FCHSD2: variants seen among roughly 807,000 people sequenced by gnomAD.
The protein encoded by FCHSD2 is FCH and double SH3 domains 2.
Under a neutral mutation model 108.1 loss-of-function variants are expected in FCHSD2, and 38 were observed. The observed-to-expected ratio is 0.35, with a 90% CI of 0.27 to 0.46. FCHSD2 has a LOEUF of 0.46. FCHSD2 is among the 20% of genes least tolerant of loss of function. The pLI, the probability that FCHSD2 is intolerant of heterozygous loss-of-function variation, is 1.00. For synonymous variants in FCHSD2, 279 were observed against 314.7 expected (o/e 0.89, Z 1.20); for missense variants, 751 against 897.8 (o/e 0.84, Z 2.09).
chr11:72,987,452 T>G (rs1857331199), intron 6 of FCHSD2, among the ~76,000 whole-genome samples: 1 of 152,210 alleles, frequency 6.6e-6, no homozygotes, highest in African/African-American at 2.4e-5. Context: ...AGGCCTTAAA[T>G]TCCTTGAGGG....
intron 3 of FCHSD2, among the ~76,000 whole-genome samples, chr11:73,024,455 T>C (rs1858180999): frequency 6.6e-6 from 1 of 152,106 alleles, no homozygotes; most frequent in Non-Finnish European, 1.5e-5. Context: ...TGAAAAGTGG[T>C]ACACATATAC....
At chr11:72,841,330 A>T in intron 18 of FCHSD2, 124 bp downstream of exon 18, 1 of 976,616 alleles carries the variant, frequency 1.0e-6, no homozygotes, top group Non-Finnish European at 1.4e-6. Flanking sequence ...GGTGACAGAG[A>T]CTCTGTCTCC....
chr11:73,076,689 G>A (rs1293934275), intron 3 of FCHSD2, among the ~76,000 whole-genome samples: 1 of 152,220 alleles, frequency 6.6e-6, no homozygotes, highest in Non-Finnish European at 1.5e-5. Context: ...TTAATGGTAT[G>A]TAAATTAAAA....
chr11:72,876,975 A>AT lies in FCHSD2; in HGVS notation c.1147-8950dup, dbSNP rs1193412834. Among the ~76,000 whole-genome samples the AT allele has an allele frequency of 2.0e-3, 279 of 142,722 alleles. 1 individual carries two copies. The highest frequency in any genetic ancestry group is 4.5e-3 in the African/African-American group (174 of 39,048). The allele number at this position is 142,722 out of a possible 152,430, so 93.6% of individuals were successfully genotyped here. ...TGTCTAACAGTAATATGATCACTTC[A>AT]TTTTTTTTTTTTTTAGACAGGGTCT... On this transcript the variant is annotated intron_variant, in intron 12 of 19. Transcript: ENST00000409418.
In FCHSD2 at chr11:73,001,063, C is replaced by T; in HGVS notation, c.314G>A (p.Cys105Tyr). 1 of 1,612,942 alleles carries T rather than the reference C, an allele frequency of 6.2e-7. No individual in the cohort carries two copies. The highest frequency in any genetic ancestry group is 2.2e-5 in the East Asian group (1 of 44,852). The change falls in exon 5 of 20, where the codon TGT becomes TAT. Residue 105 changes from cysteine to tyrosine, a missense_variant. By Grantham distance (194) the Cys-to-Tyr change is radical. Coordinates refer to ENST00000409418, the MANE Select transcript of FCHSD2 (RefSeq NM_014824.3). ...MQVAQSRMNI[C>Y]ENYKNFISEP... ...AGAAATGAAGTTTTTATAGTTTTCA[C>T]ATATATTCATCCGAGACTGGGCTAC...
At chr11:73,079,405 G>A (rs963152876) in intron 3 of FCHSD2, among the ~76,000 whole-genome samples, 4 of 151,804 alleles carry the variant, frequency 2.6e-5, no homozygotes, top group Non-Finnish European at 5.9e-5. Context: ...TCACCATGTT[G>A]GTCAGGCTGG....
At chr11:72,900,236 C>CG in intron 10 of FCHSD2, 1 of 1,451,834 alleles carries the variant, frequency 6.9e-7, no homozygotes, top group Non-Finnish European at 9.4e-7. Flanking sequence ...CCCTCCCGCC[C>CG]TTGACCCACA....
At chr11:72,877,551 G>C (rs1413116991) in intron 12 of FCHSD2, among the ~76,000 whole-genome samples, 1 of 152,066 alleles carries the variant, frequency 6.6e-6, no homozygotes, top group Non-Finnish European at 1.5e-5. Flanking sequence ...ATATAAGCTA[G>C]TAACCTATTA....
At chr11:73,090,762 T>C (rs993540037) in intron 2 of FCHSD2, among the ~76,000 whole-genome samples, 1 of 149,846 alleles carries the variant, frequency 6.7e-6, no homozygotes, top group Non-Finnish European at 1.5e-5. Flanking sequence ...TGCATGTTTT[T>C]ATTGAGATGA....
chr11:73,099,326 A>C (rs539623543), intron 2 of FCHSD2, among the ~76,000 whole-genome samples: 10 of 152,232 alleles, frequency 6.6e-5, no homozygotes, highest in Non-Finnish European at 1.5e-4. Flanking sequence ...ATGTGAAGAA[A>C]TTAGAACCCT....
At chr11:73,048,919 C>T (rs754787289) in intron 3 of FCHSD2, among the ~76,000 whole-genome samples, 2 of 152,114 alleles carry the variant, frequency 1.3e-5, no homozygotes, top group Non-Finnish European at 2.9e-5. Context: ...AGATGTTGAT[C>T]GAGTAACTCA....
intron 3 of FCHSD2, among the ~76,000 whole-genome samples, chr11:73,020,470 G>A (rs769743598): frequency 2.6e-5 from 4 of 151,964 alleles, no homozygotes; most frequent in Admixed American, 1.3e-4. Flanking sequence ...TGAAATTCCC[G>A]GCATTATGCA....
At chr11:73,036,245 T>C (rs546459933) in intron 3 of FCHSD2, among the ~76,000 whole-genome samples, 14 of 150,696 alleles carry the variant, frequency 9.3e-5, no homozygotes, top group Non-Finnish European at 1.9e-4. Flanking sequence ...TTAGAAACAT[T>C]AAAGTATTGG....
chr11:73,029,609 G>T (rs1310877534), intron 3 of FCHSD2, among the ~76,000 whole-genome samples: 1 of 152,114 alleles, frequency 6.6e-6, no homozygotes, highest in African/African-American at 2.4e-5. Flanking sequence ...GATTGTGGAG[G>T]TGCAGACACA....
intron 13 of FCHSD2, among the ~76,000 whole-genome samples, chr11:72,866,425 A>G (rs770582900): frequency 6.6e-6 from 1 of 152,072 alleles, no homozygotes; most frequent in African/African-American, 2.4e-5. Flanking sequence ...GTCTGCCACC[A>G]TGCCTGGCTA....
At chr11:72,987,062 T>C (rs1857325288) in intron 6 of FCHSD2, among the ~76,000 whole-genome samples, 1 of 152,166 alleles carries the variant, frequency 6.6e-6, no homozygotes, top group Admixed American at 6.5e-5. Flanking sequence ...ACCCCAGTGT[T>C]TCCCAGGCTC....
At chr11:72,987,730 T>C (rs564560959) in intron 6 of FCHSD2, among the ~76,000 whole-genome samples, 1 of 152,304 alleles carries the variant, frequency 6.6e-6, no homozygotes, top group South Asian at 2.1e-4. Flanking sequence ...GGGCTGTGGC[T>C]AAATTATTTG....
chr11:72,868,372 G>C lies in FCHSD2; in HGVS notation c.1147-346C>G, dbSNP rs569083537. Among the ~76,000 whole-genome samples the C allele has an allele frequency of 1.8e-4, 27 of 152,270 alleles. No homozygotes were observed. The East Asian group carries it at 2.7e-3, about 15-fold the overall frequency. Reference sequence around the variant, plus strand: ...TGTCAGAGGGCGATGGGTGGGGAAGGAGAGCATTAAAAAGAATAGCTAATG... The same window carrying C: ...TGTCAGAGGGCGATGGGTGGGGAAGCAGAGCATTAAAAAGAATAGCTAATG... On this transcript the variant is annotated intron_variant, in intron 12 of 19. Coordinates refer to ENST00000409418, the MANE Select transcript of FCHSD2 (RefSeq NM_014824.3).
intron 3 of FCHSD2, among the ~76,000 whole-genome samples, chr11:73,063,913 C>CTTTA (rs1024837792): frequency 6.6e-6 from 1 of 151,982 alleles, no homozygotes; most frequent in African/African-American, 2.4e-5. Context: ...TATTCAGGAC[C>CTTTA]TAAACTCAGC....
Sources: gnomAD v4.1 joint callset for allele counts (sites outside exome capture counted in the v4.1 genomes callset) on GRCh38, gnomAD v4.1.1 for gene constraint, MANE v1.5 for transcripts, NCBI Gene and HGNC (gene_info 2026-07-23, HGNC 2026-07-21) for gene names.